Variants in GRIN3A observed in about 807,000 individuals in gnomAD.
GRIN3A encodes glutamate ionotropic receptor NMDA type subunit 3A, also known as glutamate receptor ionotropic, NMDA 3A.
Under a neutral mutation model 92.4 loss-of-function variants are expected in GRIN3A, and 47 were observed. The observed-to-expected ratio is 0.51, with a 90% CI of 0.40 to 0.65. GRIN3A has a LOEUF of 0.65. Among genes scored for constraint, GRIN3A ranks in the 30% least tolerant of loss-of-function variants. GRIN3A has a pLI of 0.00. For synonymous variants in GRIN3A, 527 were observed against 540.6 expected, an observed-to-expected ratio of 0.97 and a Z score of 0.35; for missense variants, 1,324 against 1,393.1, an observed-to-expected ratio of 0.95 and a Z score of 0.79.
chr9:101,624,375 TC>T (rs1828601042), intron 4 of GRIN3A, among the ~76,000 whole-genome samples: 2 of 88,120 alleles, frequency 2.3e-5, no homozygotes, highest in Non-Finnish European at 4.4e-5. Context: ...CCTTCCCCCC[TC>T]CCCCCACCCC....
At chr9:101,667,198 A>G (rs1185179344) in intron 3 of GRIN3A, among the ~76,000 whole-genome samples, 3 of 151,938 alleles carry the variant, frequency 2.0e-5, no homozygotes, top group African/African-American at 7.2e-5. Flanking sequence ...ATACCTATAT[A>G]CTTTATATTA....
At chr9:101,660,557 G>A (rs1012059409) in intron 3 of GRIN3A, among the ~76,000 whole-genome samples, 10 of 151,838 alleles carry the variant, frequency 6.6e-5, no homozygotes, top group African/African-American at 2.2e-4. Context: ...CTCTCATGGA[G>A]TTTATAGTCC....
intron 3 of GRIN3A, among the ~76,000 whole-genome samples, chr9:101,646,708 T>C (rs1382461906): frequency 1.3e-5 from 2 of 151,890 alleles, no homozygotes; most frequent in Non-Finnish European, 2.9e-5. Context: ...CAGTGTTTTA[T>C]AGTTTTCATT....
intron 5 of GRIN3A, among the ~76,000 whole-genome samples, chr9:101,614,862 A>G (rs888976914): frequency 6.6e-6 from 1 of 151,590 alleles, no homozygotes; most frequent in East Asian, 1.9e-4. Context: ...CAACCAGTCC[A>G]CTCACCTCAG....
At chr9:101,701,987 G>A (rs1487732332) in intron 1 of GRIN3A, among the ~76,000 whole-genome samples, 1 of 151,618 alleles carries the variant, frequency 6.6e-6, no homozygotes, top group African/African-American at 2.4e-5. Flanking sequence ...GTACAAGCCT[G>A]AGATTTGTGT....
chr9:101,711,634 C>T (rs754543213), intron 1 of GRIN3A, among the ~76,000 whole-genome samples: 7 of 152,154 alleles, frequency 4.6e-5, no homozygotes, highest in Non-Finnish European at 8.8e-5. Flanking sequence ...TACCTGACTG[C>T]TCTAGGTTCC....
At chr9:101,610,793 G>T (rs10123215) in intron 6 of GRIN3A, among the ~76,000 whole-genome samples, 47,176 of 151,918 alleles carry the variant, frequency 0.31, 7,592 homozygotes, top group East Asian at 0.37. Context: ...TGAGGAAGAG[G>T]CTGGCTTAAA....
chr9:101,678,688 C>G (rs1287591060), intron 2 of GRIN3A, among the ~76,000 whole-genome samples: 1 of 152,054 alleles, frequency 6.6e-6, no homozygotes, highest in Non-Finnish European at 1.5e-5. Flanking sequence ...GAGAACAATA[C>G]TAATCTATGT....
intron 6 of GRIN3A, among the ~76,000 whole-genome samples, chr9:101,588,143 G>A (rs987191782): frequency 6.6e-6 from 1 of 151,996 alleles, no homozygotes. Flanking sequence ...AAGATTGTGC[G>A]GTGCAATCAT....
chr9:101,605,876 A>G (rs534916171), intron 6 of GRIN3A, among the ~76,000 whole-genome samples: 51 of 152,246 alleles, frequency 3.3e-4, no homozygotes, highest in South Asian at 1.0e-3. Context: ...TTCCCTCAGT[A>G]CTCAATAACA....
intron 8 of GRIN3A, 96 bp from the exon 9 acceptor site, chr9:101,573,609 C>T: frequency 2.1e-6 from 2 of 968,208 alleles, no homozygotes; most frequent in South Asian, 1.3e-5. Flanking sequence ...TAATATGGAG[C>T]TGGGTGTGCA....
chr9:101,607,694 C>A (rs1310849855), intron 6 of GRIN3A, among the ~76,000 whole-genome samples: 2 of 152,230 alleles, frequency 1.3e-5, no homozygotes, highest in African/African-American at 4.8e-5. Flanking sequence ...AAGTAGGCTT[C>A]AAGGATGGCT....
intron 1 of GRIN3A, among the ~76,000 whole-genome samples, chr9:101,716,345 A>T (rs187634905): frequency 2.3e-3 from 347 of 152,296 alleles, no homozygotes; most frequent in African/African-American, 7.7e-3. Flanking sequence ...ACTCACATTT[A>T]AAAAAAATGA....
chr9:101,620,325 T>C (rs564047693), intron 5 of GRIN3A, among the ~76,000 whole-genome samples: 19 of 152,312 alleles, frequency 1.2e-4, no homozygotes, highest in African/African-American at 4.6e-4. Flanking sequence ...TGAGCCTATT[T>C]CGTAGGGGCA....
chr9:101,647,394 A>G (rs1828951005), intron 3 of GRIN3A, among the ~76,000 whole-genome samples: 1 of 151,562 alleles, frequency 6.6e-6, no homozygotes, highest in Non-Finnish European at 1.5e-5. Flanking sequence ...ATTTGGTTTG[A>G]TAGCACTTTG....
At chr9:101,727,978 A>G (rs1830099025) in intron 1 of GRIN3A, among the ~76,000 whole-genome samples, 1 of 151,768 alleles carries the variant, frequency 6.6e-6, no homozygotes, top group African/African-American at 2.4e-5. Context: ...CTCCTCCTGT[A>G]TCAGCAACAC....
intron 1 of GRIN3A, among the ~76,000 whole-genome samples, chr9:101,733,357 A>G (rs1830163474): frequency 6.6e-6 from 1 of 152,260 alleles, no homozygotes; most frequent in Admixed American, 6.5e-5. Context: ...AAATTAAAAA[A>G]TACTTCCAAG....
At chr9:101,632,699 C>G (rs960340813) in intron 3 of GRIN3A, among the ~76,000 whole-genome samples, 1 of 151,984 alleles carries the variant, frequency 6.6e-6, no homozygotes, top group Non-Finnish European at 1.5e-5. Flanking sequence ...ACTCAGCAGT[C>G]ACAGAATAAT....
Position 101,670,925 on chromosome 9 carries a change from C to T in GRIN3A, c.1487G>A (p.Trp496Ter). The change falls in exon 3 of 9, where the codon TGG becomes TAG. Residue 496 changes from tryptophan to a stop codon, truncating the protein, a stop_gained. Coordinates refer to ENST00000361820, the MANE Select transcript of GRIN3A (RefSeq NM_133445.3). LOFTEE classifies it high-confidence loss of function. ...GGKIVMDYGI[W>*]PEQAQRHKTH... The stretch of plus-strand genomic sequence containing the variant: ...TTTGTGTCTCTGGGCCTGCTCTGGC[C>T]ATATTCCATAGTCCATGACAATCTT... 1 of 1,613,772 alleles carries T rather than the reference C, an allele frequency of 6.2e-7. No individual in the cohort carries two copies. The highest frequency in any genetic ancestry group is 8.5e-7 in the Non-Finnish European group (1 of 1,179,778).
Sources: allele counts gnomAD v4.1 joint callset (sites outside exome capture counted in the v4.1 genomes callset), GRCh38; gene constraint gnomAD v4.1.1; transcripts MANE v1.5; gene names NCBI Gene and HGNC (gene_info 2026-07-23, HGNC 2026-07-21).